The following RCAN1 variants were observed in gnomAD, a reference collection of about 807,000 sequenced individuals.
RCAN1 encodes the protein regulator of calcineurin 1, also known as calcipressin-1.
A neutral mutation model predicts 22.9 loss-of-function variants in RCAN1; 11 were observed. The ratio of observed to expected loss-of-function variants is 0.48; its 90% CI spans 0.30 to 0.79. The LOEUF (loss-of-function observed/expected upper bound fraction) is 0.79. Among genes scored for constraint, RCAN1 ranks in the 30% least tolerant of loss-of-function variants. The pLI, the probability that RCAN1 is intolerant of heterozygous loss-of-function variation, is 0.06. For missense variants in RCAN1, 291 were observed against 337.8 expected, an observed-to-expected ratio of 0.86 and a Z score of 1.09; for synonymous variants, 136 against 142.3, an observed-to-expected ratio of 0.96 and a Z score of 0.32.
chr21:34,571,869 TA>T (rs1164584878), intron 1 of RCAN1, among the ~76,000 whole-genome samples: 1 of 152,200 alleles, frequency 6.6e-6, no homozygotes, highest in East Asian at 1.9e-4. Context: ...TTAATGATAT[TA>T]AAACCATTTA....
At chr21:34,558,834 G>A (rs1431289497) in intron 1 of RCAN1, among the ~76,000 whole-genome samples, 1 of 152,120 alleles carries the variant, frequency 6.6e-6, no homozygotes, top group African/African-American at 2.4e-5. Flanking sequence ...CAACGGTAAA[G>A]GCTCCCTGGG....
Sources: allele counts gnomAD v4.1 joint callset (sites outside exome capture counted in the v4.1 genomes callset), GRCh38; gene constraint gnomAD v4.1.1; transcripts MANE v1.5; gene names NCBI Gene and HGNC (gene_info 2026-07-23, HGNC 2026-07-21).